Variants in AOPEP observed in about 807,000 individuals in gnomAD.
AOPEP encodes aminopeptidase O (putative).
AOPEP carries 77 observed loss-of-function variants against 98.1 expected under a neutral mutation model. That is an observed-to-expected ratio of 0.78 (90% CI 0.65 to 0.95). The LOEUF (loss-of-function observed/expected upper bound fraction) is 0.95, where lower values mean the gene tolerates loss of function less well. Among genes scored for constraint, AOPEP ranks in the 40% least tolerant of loss-of-function variants. AOPEP has a pLI of 0.00. For missense variants in AOPEP, 1,024 were observed against 1,024.7 expected (o/e 1.00, Z 0.01); for synonymous variants, 346 against 365.3 (o/e 0.95, Z 0.60).
At chr9:94,787,008 T>C (rs1844576710) in intron 3 of AOPEP, among the ~76,000 whole-genome samples, 1 of 152,166 alleles carries the variant, frequency 6.6e-6, no homozygotes, top group South Asian at 2.1e-4. Context: ...AAAAAAAAAC[T>C]TGCGCGCTGT....
At chr9:94,866,775 T>A (rs966130532) in intron 5 of AOPEP, among the ~76,000 whole-genome samples, 20 of 152,228 alleles carry the variant, frequency 1.3e-4, no homozygotes, top group African/African-American at 4.8e-4. Context: ...ATTGGTTGAT[T>A]AAAAATACAG....
chr9:95,101,407 C>T, the AOPEP span: 1 of 461,386 alleles, frequency 2.2e-6, no homozygotes, highest in African/African-American at 1.9e-5. Flanking sequence ...AACCTGTTCT[C>T]CCACCCAGGC....
At chr9:94,898,030 G>T (rs2049824300) in intron 5 of AOPEP, among the ~76,000 whole-genome samples, 1 of 151,756 alleles carries the variant, frequency 6.6e-6, no homozygotes, top group Non-Finnish European at 1.5e-5. Flanking sequence ...AGTAAAGATG[G>T]GGTTTCACCA....
At chr9:94,963,771 C>G (rs200542331) in intron 9 of AOPEP, among the ~76,000 whole-genome samples, 1 of 152,044 alleles carries the variant, frequency 6.6e-6, no homozygotes, top group Non-Finnish European at 1.5e-5. Flanking sequence ...TTTGCTTTCA[C>G]AAAACTGCCA....
chr9:94,925,257 G>C (rs986472245), intron 6 of AOPEP, among the ~76,000 whole-genome samples: 5 of 152,196 alleles, frequency 3.3e-5, no homozygotes, highest in African/African-American at 4.8e-5. Flanking sequence ...CCAAAGTGCT[G>C]GGATTACAGG....
intron 5 of AOPEP, among the ~76,000 whole-genome samples, chr9:94,816,694 G>A (rs899273904): frequency 6.6e-6 from 1 of 152,120 alleles, no homozygotes; most frequent in East Asian, 1.9e-4. Context: ...AGTTGGAGGT[G>A]GAATTGGGTG....
chr9:95,137,410 A>G, the AOPEP span, among the ~76,000 whole-genome samples: 1 of 151,930 alleles, frequency 6.6e-6, no homozygotes. Context: ...TTCACCTCAG[A>G]GCCTCCTGAT....
intron 2 of AOPEP, among the ~76,000 whole-genome samples, chr9:94,770,768 A>T (rs570175426): frequency 5.9e-5 from 9 of 152,318 alleles, no homozygotes; most frequent in Admixed American, 3.3e-4. Context: ...CCTTTGCATT[A>T]TCACGGCCTG....
intron 5 of AOPEP, among the ~76,000 whole-genome samples, chr9:94,829,499 A>G (rs1855460469): frequency 6.6e-6 from 1 of 152,164 alleles, no homozygotes; most frequent in African/African-American, 2.4e-5. Flanking sequence ...GAAGTAAGAA[A>G]CTTTTCTCCC....
At chr9:95,081,811 A>C (rs2069821391) in intron 15 of AOPEP, among the ~76,000 whole-genome samples, 1 of 152,108 alleles carries the variant, frequency 6.6e-6, no homozygotes, top group African/African-American at 2.4e-5. Flanking sequence ...CTTAACTACG[A>C]AGTTTTGCTC....
intron 4 of AOPEP, among the ~76,000 whole-genome samples, chr9:94,794,587 A>T (rs775451679): frequency 6.6e-6 from 1 of 151,962 alleles, no homozygotes; most frequent in African/African-American, 2.4e-5. Context: ...GGCAGAAGGG[A>T]GGTAATTTCC....
chr9:95,037,740 T>A (rs1425810289), intron 13 of AOPEP, among the ~76,000 whole-genome samples: 1 of 152,226 alleles, frequency 6.6e-6, no homozygotes, highest in Non-Finnish European at 1.5e-5. Flanking sequence ...CTTCAGCTGC[T>A]CTTGGGGAAG....
intron 13 of AOPEP, among the ~76,000 whole-genome samples, chr9:95,015,772 TTCAAC>T (rs878989801): frequency 6.6e-6 from 1 of 152,242 alleles, no homozygotes; most frequent in Admixed American, 6.5e-5. Context: ...TGCAGTTTCA[TTCAAC>T]TCTTGTTATT....
chr9:94,804,418 G>A (rs1172295990), intron 5 of AOPEP, among the ~76,000 whole-genome samples: 1 of 152,064 alleles, frequency 6.6e-6, no homozygotes, highest in African/African-American at 2.4e-5. Flanking sequence ...TTATTTCAGA[G>A]TGGTTTTCTG....
intron 5 of AOPEP, among the ~76,000 whole-genome samples, chr9:94,923,482 A>G (rs543220266): frequency 1.3e-5 from 2 of 152,314 alleles, no homozygotes; most frequent in South Asian, 2.1e-4. Context: ...TGTTAACATC[A>G]TAGCCAGCTC....
At chr9:95,133,949 T>C in the AOPEP span, among the ~76,000 whole-genome samples, 2 of 152,264 alleles carry the variant, frequency 1.3e-5, no homozygotes, top group South Asian at 2.1e-4. Flanking sequence ...CTTGCCTTAA[T>C]ATATGACTCT....
intron 14 of AOPEP, among the ~76,000 whole-genome samples, chr9:95,066,471 A>C (rs999722255): frequency 5.3e-5 from 8 of 152,246 alleles, no homozygotes; most frequent in African/African-American, 1.9e-4. Context: ...GGACAGCATA[A>C]TCTGGCTAAT....
chr9:95,117,671 T>G, the AOPEP span, among the ~76,000 whole-genome samples: 1 of 152,154 alleles, frequency 6.6e-6, no homozygotes, highest in Non-Finnish European at 1.5e-5. Context: ...AAATAAATCT[T>G]CTGTTTTGGA....
At chr9:94,836,301 C>A (rs2041595967) in intron 5 of AOPEP, among the ~76,000 whole-genome samples, 1 of 152,160 alleles carries the variant, frequency 6.6e-6, no homozygotes, top group African/African-American at 2.4e-5. Context: ...AATTTCCTAG[C>A]AAATTGGCTT....
Sources: allele counts gnomAD v4.1 joint callset (sites outside exome capture counted in the v4.1 genomes callset), GRCh38; gene constraint gnomAD v4.1.1; transcripts MANE v1.5; gene names NCBI Gene and HGNC (gene_info 2026-07-23, HGNC 2026-07-21).